BMP7: variants seen among roughly 807,000 people sequenced by gnomAD.
BMP7 encodes osteogenic protein 1.
A neutral mutation model predicts 41.2 loss-of-function variants in BMP7; 12 were observed. The observed-to-expected ratio is 0.29, with a 90% CI of 0.19 to 0.47. The LOEUF (loss-of-function observed/expected upper bound fraction) is 0.47, where lower values mean the gene tolerates loss of function less well. Among genes scored for constraint, BMP7 ranks in the 20% least tolerant of loss-of-function variants. The probability of loss-of-function intolerance (pLI) is 0.99; values close to 1 mark genes in which losing one functional copy is unlikely to be tolerated. For synonymous variants in BMP7, 248 were observed against 250.0 expected (o/e 0.99, Z 0.07); for missense variants, 467 against 606.0 (o/e 0.77, Z 2.41).
intron 2 of BMP7, among the ~76,000 whole-genome samples, chr20:57,222,729 C>T (rs1341759465): frequency 1.3e-5 from 2 of 152,080 alleles, no homozygotes; most frequent in South Asian, 4.1e-4. Context: ...GAGAAGGCAG[C>T]TCAAAACCAG....
chr20:57,174,946 T>A lies in BMP7; in HGVS notation c.1020A>T (p.Arg340=), dbSNP rs1983889396. The A allele has an allele frequency of 6.2e-7, 1 of 1,611,890 alleles. No individual in the cohort carries two copies. Among genetic ancestry groups the A allele is most frequent in the South Asian group, 1.1e-5 (1 of 90,894 alleles). ...CKKHELYVSF[R]DLGWQDWIIA... ...AGCCCCTTACCTGCCAGCCCAGGTC[T>A]CGGAAGCTGACATACAGCTCGTGCT... Residue 340 remains arginine, a synonymous_variant, in exon 5 of 7, where the codon CGA becomes CGT. Transcript: ENST00000395863. This position sits in a 1 kb window ranked among gnomAD's most constrained non-coding sequence, Gnocchi z 4.3.
chr20:57,179,510 G>A (rs1363808067), intron 4 of BMP7, among the ~76,000 whole-genome samples: 8 of 152,254 alleles, frequency 5.3e-5, no homozygotes, highest in Non-Finnish European at 1.0e-4. Flanking sequence ...CGCACCATCT[G>A]AAGAGCACGT....
chr20:57,186,197 C>T (rs1278963426), intron 3 of BMP7, among the ~76,000 whole-genome samples: 1 of 152,164 alleles, frequency 6.6e-6, no homozygotes, highest in Admixed American at 6.5e-5. Flanking sequence ...GTGAAGGTGG[C>T]CTCTGTGTTC....
chr20:57,174,385 G>A lies in BMP7; in HGVS notation c.1035+546C>T, dbSNP rs1008389142. ...AGAGCTCACGGCAGGTGGATCACAT[G>A]ACCCTCACTCCTCTCCTAGGATTCA... On this transcript the variant is annotated intron_variant, in intron 5 of 6. Transcript: ENST00000395863. This position sits in a 1 kb window ranked among gnomAD's most constrained non-coding sequence, Gnocchi z 4.3. Among the ~76,000 whole-genome samples the A allele has an allele frequency of 6.6e-6, 1 of 152,166 alleles. No homozygotes were observed. The highest frequency in any genetic ancestry group is 6.5e-5 in the Admixed American group (1 of 15,276).
chr20:57,194,167 C>A (rs1271141078), intron 3 of BMP7, among the ~76,000 whole-genome samples: 1 of 152,166 alleles, frequency 6.6e-6, no homozygotes, highest in Non-Finnish European at 1.5e-5. Context: ...ATTTTCCTTC[C>A]ATGCTTGTGG....
At chr20:57,236,757 C>T (rs1407126734) in intron 1 of BMP7, among the ~76,000 whole-genome samples, 3 of 124,544 alleles carry the variant, frequency 2.4e-5, no homozygotes, top group Admixed American at 8.6e-5. Context: ...TGGGGACAGC[C>T]ATGCATAAAA....
At chr20:57,189,081 G>A (rs536016232) in intron 3 of BMP7, among the ~76,000 whole-genome samples, 4 of 152,248 alleles carry the variant, frequency 2.6e-5, no homozygotes, top group African/African-American at 4.8e-5. Context: ...CACCCCAGGG[G>A]TGGGGAGGGG....
At chr20:57,250,030 G>A (rs1489363808) in intron 1 of BMP7, among the ~76,000 whole-genome samples, 1 of 152,126 alleles carries the variant, frequency 6.6e-6, no homozygotes, top group African/African-American at 2.4e-5. Flanking sequence ...CATCCCCAAA[G>A]CTCGGCGAGT....
chr20:57,217,491 T>C (rs1985060260), intron 2 of BMP7, among the ~76,000 whole-genome samples: 1 of 152,194 alleles, frequency 6.6e-6, no homozygotes, highest in Non-Finnish European at 1.5e-5. Context: ...GGGGACCCCG[T>C]GTGGCTGTGA....
At chr20:57,211,588 G>A (rs372209364) in intron 2 of BMP7, among the ~76,000 whole-genome samples, 2 of 152,352 alleles carry the variant, frequency 1.3e-5, no homozygotes, top group African/African-American at 4.8e-5. Flanking sequence ...CTTTGCAGAT[G>A]TGATGAAAGA....
chr20:57,196,558 CTGTAG>C (rs1984495248), intron 3 of BMP7, among the ~76,000 whole-genome samples: 1 of 152,202 alleles, frequency 6.6e-6, no homozygotes, highest in African/African-American at 2.4e-5. Context: ...AGGCTATTTG[CTGTAG>C]GAAACTTGTT....
chr20:57,228,348 T>A lies in BMP7; in HGVS notation c.492A>T (p.Pro164=). ...CGGCTGCCGTGACAGCTTCCCCTTC[T>A]GGGATCTTGGAAAGATCAAACCGGA... The part of the protein sequence containing the change: ...REFRFDLSKI[P]EGEAVTAAEF... The change falls in exon 2 of 7, where the codon CCA becomes CCT. Residue 164 remains proline (P), a synonymous_variant. Coordinates refer to ENST00000395863, the MANE Select transcript of BMP7 (RefSeq NM_001719.3). This position sits in a 1 kb window ranked among gnomAD's most constrained non-coding sequence, Gnocchi z 4.5. 6.2e-7 allele frequency: 1 copy of A among 1,614,156 alleles called. No individual in the cohort carries two copies. Among genetic ancestry groups the A allele is most frequent in the Non-Finnish European group, 8.5e-7 (1 of 1,180,020 alleles).
At chr20:57,247,364 A>G (rs2066094398) in intron 1 of BMP7, among the ~76,000 whole-genome samples, 1 of 152,222 alleles carries the variant, frequency 6.6e-6, no homozygotes, top group African/African-American at 2.4e-5. Flanking sequence ...CCACAGTCAC[A>G]AGATGGCTGC....
chr20:57,197,226 G>T (rs1984514819), intron 3 of BMP7, among the ~76,000 whole-genome samples: 1 of 151,510 alleles, frequency 6.6e-6, no homozygotes, highest in Non-Finnish European at 1.5e-5. Flanking sequence ...TTGTAATGGA[G>T]GGAGGAGCCC....
intron 3 of BMP7, among the ~76,000 whole-genome samples, chr20:57,195,146 G>A (rs753403492): frequency 2.6e-5 from 4 of 152,148 alleles, no homozygotes; most frequent in African/African-American, 9.7e-5. Flanking sequence ...GGAACCCAGC[G>A]AACTCTGCGG....
At position 57,183,879 on chromosome 20, in the gene BMP7, C is replaced by T; in HGVS notation, c.801G>A (p.Arg267=). 6.2e-7 allele frequency: 1 copy of T among 1,614,088 alleles called. No homozygotes were observed. Among genetic ancestry groups the T allele is most frequent in the Non-Finnish European group, 8.5e-7 (1 of 1,180,036 alleles). ...INPKLAGLIG[R]HGPQNKQPFM... ...AGGGCTGCTTGTTCTGGGGCCCGTG[C>T]CGCCCAATCAGGCCCGCCAACTTGG... The change falls in exon 4 of 7, where the codon CGG becomes CGA. Residue 267 remains arginine (R), a synonymous_variant. Coordinates refer to ENST00000395863, the MANE Select transcript of BMP7 (RefSeq NM_001719.3).
At chr20:57,188,209 T>A (rs1229163250) in intron 3 of BMP7, among the ~76,000 whole-genome samples, 1 of 152,170 alleles carries the variant, frequency 6.6e-6, no homozygotes, top group African/African-American at 2.4e-5. Flanking sequence ...CGATGTCCAT[T>A]AACAAATGAA....
At chr20:57,252,286 A>G (rs1004532752) in intron 1 of BMP7, among the ~76,000 whole-genome samples, 6 of 152,248 alleles carry the variant, frequency 3.9e-5, no homozygotes, top group African/African-American at 1.4e-4. Flanking sequence ...TGCAGGCTGT[A>G]CTAAAACAGG....
intron 3 of BMP7, among the ~76,000 whole-genome samples, chr20:57,197,205 T>C (rs1984513904): frequency 6.9e-6 from 1 of 145,448 alleles, no homozygotes; most frequent in African/African-American, 2.5e-5. Flanking sequence ...CGGCCCTAAT[T>C]TTTTTTTTTT....
Sources: allele counts gnomAD v4.1 joint callset (sites outside exome capture counted in the v4.1 genomes callset), GRCh38; gene constraint gnomAD v4.1.1; non-coding constraint Gnocchi (gnomAD v3.1); transcripts MANE v1.5; gene names NCBI Gene and HGNC (gene_info 2026-07-23, HGNC 2026-07-21).